The following PGAP3 variants were observed in gnomAD, a reference collection of about 807,000 sequenced individuals.
PGAP3 encodes GPI-specific phospholipase A2-like PGAP3.
Under a neutral mutation model 40.3 loss-of-function variants are expected in PGAP3, and 31 were observed. The observed-to-expected ratio is 0.77, with a 90% CI of 0.58 to 1.04. The LOEUF (loss-of-function observed/expected upper bound fraction) is 1.04. Ranked by LOEUF, PGAP3 falls within the 50% of genes least tolerant of loss-of-function variation. The probability of loss-of-function intolerance (pLI) is 0.00; values close to 1 mark genes in which losing one functional copy is unlikely to be tolerated. For synonymous variants in PGAP3, 191 were observed against 184.5 expected (o/e 1.04, Z -0.29); for missense variants, 413 against 423.0 (o/e 0.98, Z 0.21).
intron 3 of PGAP3, among the ~76,000 whole-genome samples, chr17:39,677,589 T>C (rs2313171): frequency 0.58 from 88,603 of 152,006 alleles, 26,828 homozygotes; most frequent in South Asian, 0.7. Context: ...TCGGACTCCT[T>C]GCCACGCTCA....
chr17:39,673,911 A>G (rs1159642500), intron 5 of PGAP3, 82 bp downstream of exon 5: 1 of 1,493,566 alleles, frequency 6.7e-7, no homozygotes, highest in Admixed American at 1.8e-5. Context: ...ACTAGTGAAG[A>G]AGGCCCCCAG....
chr17:39,685,206 GGTGGCTCACGCCT>G (rs2057494755), intron 2 of PGAP3, among the ~76,000 whole-genome samples: 1 of 151,870 alleles, frequency 6.6e-6, no homozygotes, highest in Non-Finnish European at 1.5e-5. Context: ...GGCCAGGCGC[GGTGGCTCACGCCT>G]GTAATCCCAG....
intron 3 of PGAP3, among the ~76,000 whole-genome samples, chr17:39,684,124 CAAAAAAAAAAA>C (rs58205601): frequency 1.6e-4 from 10 of 64,360 alleles, no homozygotes; most frequent in Admixed American, 3.6e-4. Flanking sequence ...GACTCTGTCT[CAAAAAAAAAAA>C]AAAAAAAAAA....
Position 39,674,604 on chromosome 17 carries a change from G to C in PGAP3, c.495+13C>G. ...CCACCCTGTGCAGGAGGGGGAGCTG[G>C]AGGAATGCTCACCTCTGTGAGGTCA... On this transcript the variant is annotated intron_variant, in intron 4 of 7. Transcript: ENST00000300658. 1 of 1,549,476 alleles carries C rather than the reference G, an allele frequency of 6.5e-7. No individual in the cohort carries two copies.
At chr17:39,680,619 A>G (rs771079799) in intron 3 of PGAP3, among the ~76,000 whole-genome samples, 1 of 152,080 alleles carries the variant, frequency 6.6e-6, no homozygotes, top group Non-Finnish European at 1.5e-5. Context: ...CACGTGTACA[A>G]TTCAGGACAG....
Position 39,674,012 on chromosome 17 carries a change from T to C in PGAP3, c.538A>G (p.Ile180Val), listed in dbSNP as rs369198971. Residue 180 changes from isoleucine to valine, a missense_variant, in exon 5 of 8, where the codon ATC becomes GTC. Physicochemically the swap from Ile to Val is conservative, Grantham distance 29. Coordinates refer to ENST00000300658, the MANE Select transcript of PGAP3 (RefSeq NM_033419.5). ...GCTCACCTGACGCAGCACAGGTAGA[T>C]TGAGTGTAGGATGACAGTGGAGGCA... ...FCASTVILHS[I>V]YLCCVRTVGL... 1.6e-5 allele frequency: 26 copies of C among 1,613,824 alleles called. No homozygotes were observed. The highest frequency in any genetic ancestry group is 4.4e-5 in the South Asian group (4 of 91,076).
intron 3 of PGAP3, among the ~76,000 whole-genome samples, chr17:39,676,154 CCA>C (rs1309626358): frequency 6.6e-6 from 1 of 152,164 alleles, no homozygotes; most frequent in African/African-American, 2.4e-5. Context: ...GACACTGCTC[CCA>C]CAGTCTGAAA....
chr17:39,672,832 C>T lies in PGAP3; in HGVS notation c.934G>A (p.Glu312Lys), dbSNP rs988894936. The change falls in exon 8 of 8, where the codon GAA becomes AAA. Residue 312 changes from glutamate to lysine, a missense_variant. Physicochemically the swap from Glu to Lys is moderately conservative, Grantham distance 56. Coordinates refer to ENST00000300658, the MANE Select transcript of PGAP3 (RefSeq NM_033419.5). ...TCCAGCTTGAACTTGTCCTCTGATT[C>T]CTTCAGCAGGTACAGGCTGTCATCT... is the stretch of plus-strand genomic sequence containing the variant. ...LEDDSLYLLKESEDKFKLD is the reference protein window; with the variant it reads ...LEDDSLYLLKKSEDKFKLD The T allele has an allele frequency of 6.2e-7, 1 of 1,614,056 alleles. No homozygotes were observed. The highest frequency in any genetic ancestry group is 1.3e-5 in the African/African-American group (1 of 74,920).
At chr17:39,687,774 GGGGCGCAGGGGGC>G in intron 1 of PGAP3, 47 bp downstream of exon 1, 1 of 1,258,628 alleles carries the variant, frequency 7.9e-7, no homozygotes, top group Non-Finnish European at 1.0e-6. Context: ...AGGCGTATTG[GGGGCGCAGGGGGC>G]GGGAGCAAGA....
chr17:39,685,658 T>C (rs1251727320), intron 2 of PGAP3, among the ~76,000 whole-genome samples: 1 of 151,990 alleles, frequency 6.6e-6, no homozygotes, highest in Non-Finnish European at 1.5e-5. Context: ...AAGGTGGGCA[T>C]CTCAACCACT....
rs2057331811 is a variant in PGAP3, at chr17:39,673,229, C to CCA, written c.719_720dup (p.Ala241TrpfsTer71). On this transcript the variant is annotated frameshift_variant, in exon 7 of 8. Transcript: ENST00000300658. LOFTEE classifies it high-confidence loss of function. ...CGCCGCTGGTTCCACAGGCACCAGG[C>CCA]CAGCCACCACACCACGTTGACCAGG... is the stretch of plus-strand genomic sequence containing the variant. The CCA allele has an allele frequency of 2.6e-6, 4 of 1,562,896 alleles. No individual in the cohort carries two copies. The African/African-American group carries it at 5.4e-5, about 21-fold the overall frequency.
intron 1 of PGAP3, among the ~76,000 whole-genome samples, chr17:39,687,166 A>T (rs1023091763): frequency 6.6e-6 from 1 of 152,220 alleles, no homozygotes; most frequent in Non-Finnish European, 1.5e-5. Context: ...GTGGTCAAAC[A>T]GGCCAGAACT....
intron 2 of PGAP3, among the ~76,000 whole-genome samples, chr17:39,685,503 C>A (rs1464205036): frequency 1.4e-5 from 2 of 144,870 alleles, no homozygotes; most frequent in African/African-American, 2.5e-5. Context: ...AAAAAAAAAA[C>A]AAAAAACAAA....
rs2057304249 is a variant in PGAP3, at chr17:39,671,415, G to A, written c.*1388C>T. Reference sequence around the variant, plus strand: ...AATGGCAGGGGTCACCTTTACCAGGGCGCAGGCATAGTGTGGCCCCTGCCT... The same window carrying A: ...AATGGCAGGGGTCACCTTTACCAGGACGCAGGCATAGTGTGGCCCCTGCCT... On this transcript the variant is annotated 3_prime_UTR_variant, in exon 8 of 8. Coordinates refer to ENST00000300658, the MANE Select transcript of PGAP3 (RefSeq NM_033419.5). The A allele has an allele frequency of 6.6e-6, 1 of 152,314 alleles. No individual in the cohort carries two copies. The highest frequency in any genetic ancestry group is 6.5e-5 in the Admixed American group (1 of 15,278). The allele number at this position is 152,314 out of a possible 1,614,324, so 9.4% of individuals were successfully genotyped here.
At chr17:39,674,175 T>G (rs1567871910) in intron 4 of PGAP3, 121 bp from the exon 5 acceptor site, 1 of 963,702 alleles carries the variant, frequency 1.0e-6, no homozygotes, top group East Asian at 2.6e-5. Flanking sequence ...TATCACTGTT[T>G]CACTCTGACT....
At chr17:39,679,106 T>A (rs1033168824) in intron 3 of PGAP3, among the ~76,000 whole-genome samples, 2 of 152,096 alleles carry the variant, frequency 1.3e-5, no homozygotes, top group African/African-American at 4.8e-5. Context: ...TCACCACGCC[T>A]GACTAATTTT....
At position 39,686,703 on chromosome 17, in the gene PGAP3, G is replaced by A. The variant is rs527257807; in HGVS notation, c.182-684C>T. ...GCCTCCCAAGTAGCGAGACCACAATGTCTGGCTAATTCTTTTATTTTTTGT... is the reference window on the plus strand; with the variant it reads ...GCCTCCCAAGTAGCGAGACCACAATATCTGGCTAATTCTTTTATTTTTTGT... On this transcript the variant is annotated intron_variant, in intron 1 of 7. Coordinates refer to ENST00000300658, the MANE Select transcript of PGAP3 (RefSeq NM_033419.5). Among the ~76,000 whole-genome samples the A allele has an allele frequency of 9.9e-5, 15 of 151,936 alleles. No homozygotes were observed. The East Asian group carries it at 1.2e-3, about 12-fold the overall frequency.
At position 39,680,280 on chromosome 17, in the gene PGAP3, GT is replaced by G. The variant is rs980563544; in HGVS notation, c.432+4316del. On this transcript the variant is annotated intron_variant, in intron 3 of 7. Coordinates refer to ENST00000300658, the MANE Select transcript of PGAP3 (RefSeq NM_033419.5). ...CTTGTTAGCTGTGCATTTTGGGCAAGTTTTTTTCCCCTCTGAATCTAACTCA... is the reference window on the plus strand; with the variant it reads ...CTTGTTAGCTGTGCATTTTGGGCAAGTTTTTTCCCCTCTGAATCTAACTCA... 2.6e-5 allele frequency among the ~76,000 whole-genome samples: 4 copies of G among 152,156 alleles called. No individual in the cohort carries two copies. In the South Asian group the frequency reaches 8.3e-4, roughly 32 times the overall value.
At chr17:39,685,180 T>C (rs2057493962) in intron 2 of PGAP3, among the ~76,000 whole-genome samples, 1 of 151,798 alleles carries the variant, frequency 6.6e-6, no homozygotes, top group Admixed American at 6.6e-5. Context: ...TAATACTGGA[T>C]TGAAACGTAC....
Sources: gnomAD v4.1 joint callset for allele counts (sites outside exome capture counted in the v4.1 genomes callset) on GRCh38, gnomAD v4.1.1 for gene constraint, MANE v1.5 for transcripts, NCBI Gene and HGNC (gene_info 2026-07-23, HGNC 2026-07-21) for gene names.